ESRRG: variants seen among roughly 807,000 people sequenced by gnomAD.
ESRRG encodes the protein estrogen-related receptor gamma.
ESRRG carries 13 observed loss-of-function variants against 44.0 expected under a neutral mutation model. The ratio of observed to expected loss-of-function variants is 0.30; its 90% CI spans 0.19 to 0.47. The LOEUF is 0.47. ESRRG is among the 20% of genes least tolerant of loss of function. The pLI is 1.00. For synonymous variants in ESRRG, 215 were observed against 214.6 expected (o/e 1.00, Z -0.02); for missense variants, 395 against 580.6 (o/e 0.68, Z 3.29).
intron 5 of ESRRG, among the ~76,000 whole-genome samples, chr1:216,560,413 A>C (rs532608753): frequency 6.6e-6 from 1 of 152,314 alleles, no homozygotes; most frequent in Admixed American, 6.5e-5. Context: ...TCATTCATTT[A>C]ATTGTTAAAA....
At chr1:216,571,039 A>G (rs761840347) in intron 3 of ESRRG, among the ~76,000 whole-genome samples, 3 of 152,198 alleles carry the variant, frequency 2.0e-5, no homozygotes. Context: ...TTGGTGGAAA[A>G]CAATTCAGAC....
chr1:217,053,080 G>C lies in ESRRG; in HGVS notation c.-106+36427C>G, dbSNP rs184441886. Among the ~76,000 whole-genome samples the C allele has an allele frequency of 6.0e-4, 88 of 146,456 alleles. 1 individual carries two copies. Among genetic ancestry groups the C allele is most frequent in the Admixed American group, 5.5e-3 (79 of 14,326 alleles). Reference sequence around the variant, plus strand: ...GCTGGGAGGCTGAGGTGGAAGGATTGCTTGAGCCTAGAAGTTTGATACCAG... The same window carrying C: ...GCTGGGAGGCTGAGGTGGAAGGATTCCTTGAGCCTAGAAGTTTGATACCAG... On this transcript the variant is annotated intron_variant, in intron 1 of 7. Coordinates refer to the ESRRG transcript ENST00000359162.
chr1:217,051,823 C>T (rs1235058158), intron 1 of ESRRG, among the ~76,000 whole-genome samples: 2 of 152,168 alleles, frequency 1.3e-5, no homozygotes, highest in African/African-American at 4.8e-5. Flanking sequence ...AGTGCAGTAG[C>T]ACAATCATAG....
At chr1:216,857,713 G>C (rs12042740) in intron 2 of ESRRG, among the ~76,000 whole-genome samples, 18,086 of 127,926 alleles carry the variant, frequency 0.14, 1,244 homozygotes, top group East Asian at 0.26. Context: ...TTTTCACAAA[G>C]CCAGATTTAA....
At chr1:217,094,291 T>C (rs927158157), upstream of ESRRG, among the ~76,000 whole-genome samples, 2 of 152,240 alleles carry the variant, frequency 1.3e-5, no homozygotes, top group African/African-American at 2.4e-5. Context: ...TCTAACACTA[T>C]CAAATCGTAT....
At chr1:216,894,617 T>C (rs2058201407) in intron 2 of ESRRG, among the ~76,000 whole-genome samples, 1 of 152,084 alleles carries the variant, frequency 6.6e-6, no homozygotes, top group Non-Finnish European at 1.5e-5. Context: ...GAAAATCTTA[T>C]TTTTAGAAAG....
intron 2 of ESRRG, among the ~76,000 whole-genome samples, chr1:216,910,036 A>G (rs1242724167): frequency 2.0e-5 from 3 of 152,202 alleles, no homozygotes; most frequent in Non-Finnish European, 4.4e-5. Flanking sequence ...GATAATTTCA[A>G]TCAGATACAT....
intron 2 of ESRRG, among the ~76,000 whole-genome samples, chr1:216,754,056 T>A (rs1286012874): frequency 6.6e-6 from 1 of 152,066 alleles, no homozygotes; most frequent in Non-Finnish European, 1.5e-5. Context: ...ACCATGCTGA[T>A]TTTACTGCCA....
intron 2 of ESRRG, among the ~76,000 whole-genome samples, chr1:216,827,574 A>G (rs747150997): frequency 6.6e-6 from 1 of 152,122 alleles, no homozygotes; most frequent in Non-Finnish European, 1.5e-5. Context: ...GCTATCCATA[A>G]TTTTTCCCTC....
At chr1:216,679,391 G>A (rs1471711966) in intron 1 of ESRRG, among the ~76,000 whole-genome samples, 3 of 152,114 alleles carry the variant, frequency 2.0e-5, no homozygotes, top group Non-Finnish European at 4.4e-5. Flanking sequence ...CTGACTTACA[G>A]CAGCCCTGTG....
At chr1:216,853,387 A>G (rs530303144) in intron 2 of ESRRG, among the ~76,000 whole-genome samples, 1 of 151,868 alleles carries the variant, frequency 6.6e-6, no homozygotes, top group South Asian at 2.1e-4. Flanking sequence ...TACAAATTCT[A>G]ACATGAGAAA....
intron 3 of ESRRG, among the ~76,000 whole-genome samples, chr1:216,616,480 C>T (rs1357946020): frequency 2.0e-5 from 3 of 152,202 alleles, no homozygotes; most frequent in South Asian, 2.1e-4. Flanking sequence ...TTTCTCTCAT[C>T]GATTTCTCTA....
chr1:216,737,800 AT>A (rs2090147099), intron 2 of ESRRG, among the ~76,000 whole-genome samples: 1 of 151,970 alleles, frequency 6.6e-6, no homozygotes, highest in South Asian at 2.1e-4. Context: ...CAATAAACTT[AT>A]CTGCTTACTC....
In ESRRG at chr1:216,548,320, A is replaced by T. The variant is rs376596319; in HGVS notation, c.862+15899T>A. Among the ~76,000 whole-genome samples the T allele has an allele frequency of 1.4e-4, 21 of 152,166 alleles. No homozygotes were observed. The East Asian group carries it at 2.1e-3, about 16-fold the overall frequency. On this transcript the variant is annotated intron_variant, in intron 5 of 6. Transcript: ENST00000408911. ...TTTGTCTTGACCTCTCTCTCAAGTG[A>T]CTGCATGTTCTCATTGTCTAAATTT...
intron 1 of ESRRG, among the ~76,000 whole-genome samples, chr1:217,108,793 C>A (rs1254915778): frequency 6.6e-6 from 1 of 152,066 alleles, no homozygotes; most frequent in Non-Finnish European, 1.5e-5. Context: ...GCCTGGAGAA[C>A]CATGAGCCAA....
At chr1:216,728,327 C>T (rs908001358), upstream of ESRRG, among the ~76,000 whole-genome samples, 4 of 152,090 alleles carry the variant, frequency 2.6e-5, no homozygotes, top group African/African-American at 9.7e-5. Flanking sequence ...GATAATCAAG[C>T]TTAAAATATT....
chr1:217,018,851 C>T (rs11572434), intron 1 of ESRRG, among the ~76,000 whole-genome samples: 1,730 of 152,228 alleles, frequency 0.011, 32 homozygotes, highest in African/African-American at 0.038. Context: ...CACATTGCCA[C>T]GTGGACCGCA....
chr1:217,045,352 C>G (rs1265273290), intron 1 of ESRRG, among the ~76,000 whole-genome samples: 1 of 152,138 alleles, frequency 6.6e-6, no homozygotes, highest in African/African-American at 2.4e-5. Context: ...TTGACACAAC[C>G]CAGAAGTGAA....
intron 2 of ESRRG, among the ~76,000 whole-genome samples, chr1:216,653,934 C>A (rs1382229433): frequency 4.8e-5 from 7 of 146,058 alleles, no homozygotes; most frequent in African/African-American, 1.5e-4. Context: ...GCTAACATGG[C>A]AAAACCCCAT....
Sources: gnomAD v4.1 joint callset for allele counts (sites outside exome capture counted in the v4.1 genomes callset) on GRCh38, gnomAD v4.1.1 for gene constraint, MANE v1.5 for transcripts, NCBI Gene and HGNC (gene_info 2026-07-23, HGNC 2026-07-21) for gene names.